Variants in ADAMTS19 observed in about 807,000 individuals in gnomAD.
The protein encoded by ADAMTS19 is ADAM metallopeptidase with thrombospondin type 1 motif 19.
ADAMTS19 carries 93 observed loss-of-function variants against 153.3 expected under a neutral mutation model. The ratio of observed to expected loss-of-function variants is 0.61; its 90% CI spans 0.51 to 0.72. The LOEUF (loss-of-function observed/expected upper bound fraction) is 0.72, where lower values mean the gene tolerates loss of function less well. Among genes scored for constraint, ADAMTS19 ranks in the 30% least tolerant of loss-of-function variants. ADAMTS19 has a pLI of 0.00. For synonymous variants in ADAMTS19, 600 were observed against 556.6 expected, an observed-to-expected ratio of 1.08 and a Z score of -1.10; for missense variants, 1,482 against 1,552.1, an observed-to-expected ratio of 0.95 and a Z score of 0.76.
intron 11 of ADAMTS19, among the ~76,000 whole-genome samples, chr5:129,644,613 T>C (rs1752973003): frequency 2.0e-5 from 3 of 152,176 alleles, no homozygotes; most frequent in Admixed American, 2.0e-4. Context: ...CTTCTCTTTT[T>C]ATAATTTTTA....
intron 6 of ADAMTS19, among the ~76,000 whole-genome samples, chr5:129,547,910 A>G (rs1043852079): frequency 6.6e-6 from 1 of 150,976 alleles, no homozygotes; most frequent in African/African-American, 2.5e-5. Flanking sequence ...ACCTGACAAA[A>G]ACAAGCAATG....
chr5:129,572,776 T>C (rs191882776), intron 7 of ADAMTS19, among the ~76,000 whole-genome samples: 1 of 151,974 alleles, frequency 6.6e-6, no homozygotes, highest in Non-Finnish European at 1.5e-5. Flanking sequence ...GCTGTAAGTT[T>C]ACAGGAATAG....
intron 8 of ADAMTS19, among the ~76,000 whole-genome samples, chr5:129,608,514 T>C (rs1751038458): frequency 6.6e-6 from 1 of 152,114 alleles, no homozygotes; most frequent in South Asian, 2.1e-4. Flanking sequence ...AAGAGTCCTT[T>C]TCAGAAGTGA....
chr5:129,522,316 T>TACAC (rs1186259435), intron 3 of ADAMTS19, among the ~76,000 whole-genome samples: 116 of 91,910 alleles, frequency 1.3e-3, no homozygotes, highest in African/African-American at 3.9e-3. Flanking sequence ...TATATATATA[T>TACAC]ACACACACAC....
At chr5:129,685,903 C>T (rs569165702) in intron 18 of ADAMTS19, among the ~76,000 whole-genome samples, 40 of 152,226 alleles carry the variant, frequency 2.6e-4, no homozygotes, top group Admixed American at 1.6e-3. Context: ...ATATGGACAA[C>T]TCATCACTAG....
At chr5:129,471,500 C>A (rs1182927050) in intron 2 of ADAMTS19, among the ~76,000 whole-genome samples, 2 of 147,316 alleles carry the variant, frequency 1.4e-5, no homozygotes, top group Non-Finnish European at 3.0e-5. Flanking sequence ...GGCAGGCAGG[C>A]AAGACTCTGT....
At chr5:129,717,496 T>C in intron 21 of ADAMTS19, among the ~76,000 whole-genome samples, 1 of 152,200 alleles carries the variant, frequency 6.6e-6, no homozygotes, top group East Asian at 1.9e-4. Flanking sequence ...TTTTCCTATA[T>C]CGTAACTCAA....
intron 14 of ADAMTS19, 81 bp downstream of exon 14, chr5:129,654,514 A>T (rs1163908697): frequency 2.0e-6 from 3 of 1,463,608 alleles, no homozygotes; most frequent in Non-Finnish European, 2.8e-6. Flanking sequence ...AGCATGGTGG[A>T]AAGCTTTGGA....
At position 129,737,405 on chromosome 5, in the gene ADAMTS19, A is replaced by G. The variant is rs957500533; in HGVS notation, c.*187A>G. ...TTACACAAACATTTTGATTTATACT[A>G]TATGGCTTCATAAATAATTTTATAT... On this transcript the variant is annotated 3_prime_UTR_variant, in exon 23 of 23. Transcript: ENST00000274487. The G allele has an allele frequency of 6.2e-5, 26 of 420,212 alleles. No individual in the cohort carries two copies. The East Asian group carries it at 1.1e-3, about 18-fold the overall frequency. The allele number at this position is 420,212 out of a possible 1,614,324, so 26.0% of individuals were successfully genotyped here.
At chr5:129,684,429 C>T (rs748189506) in intron 18 of ADAMTS19, among the ~76,000 whole-genome samples, 156 bp downstream of exon 18, 3 of 152,162 alleles carry the variant, frequency 2.0e-5, no homozygotes, top group East Asian at 3.9e-4. Context: ...AGTGGCTAAA[C>T]ACCTGAAATA....
At chr5:129,613,837 A>C (rs1417824471) in intron 8 of ADAMTS19, among the ~76,000 whole-genome samples, 1 of 152,184 alleles carries the variant, frequency 6.6e-6, no homozygotes, top group Non-Finnish European at 1.5e-5. Flanking sequence ...GACCCAATAA[A>C]AAATGATAAA....
At chr5:129,714,158 G>A (rs1756605225) in intron 21 of ADAMTS19, among the ~76,000 whole-genome samples, 1 of 152,088 alleles carries the variant, frequency 6.6e-6, no homozygotes, top group African/African-American at 2.4e-5. Context: ...GGTGGCTCAC[G>A]CCTGTAATCC....
intron 17 of ADAMTS19, among the ~76,000 whole-genome samples, chr5:129,681,054 T>C (rs30644): frequency 0.15 from 22,396 of 152,172 alleles, 1,814 homozygotes; most frequent in East Asian, 0.3. Context: ...TTATTTGGAG[T>C]ATGATGTGCT....
At chr5:129,540,495 T>C (rs1752618789) in intron 6 of ADAMTS19, among the ~76,000 whole-genome samples, 1 of 152,048 alleles carries the variant, frequency 6.6e-6, no homozygotes, top group South Asian at 2.1e-4. Flanking sequence ...CCTTTGAAAA[T>C]ACTCTTTAAA....
chr5:129,697,792 T>G (rs1755629521), intron 19 of ADAMTS19, among the ~76,000 whole-genome samples: 1 of 152,272 alleles, frequency 6.6e-6, no homozygotes, highest in African/African-American at 2.4e-5. Context: ...AATTCTCTTT[T>G]TCTCTATCCC....
chr5:129,526,342 A>T lies in ADAMTS19; in HGVS notation c.972A>T (p.Ser324=). The T allele has an allele frequency of 6.2e-7, 1 of 1,601,742 alleles. No homozygotes were observed. The highest frequency in any genetic ancestry group is 2.3e-5 in the East Asian group (1 of 43,702). Residue 324 remains serine (S), a synonymous_variant, in exon 4 of 23, where the codon TCA becomes TCT. Coordinates refer to ENST00000274487, the MANE Select transcript of ADAMTS19 (RefSeq NM_133638.6). ...IAESGRGKRY[S]YKLPQEYNIE... ...AAAGTGGAAGAGGGAAACGATATTC[A>T]TACAAATTACCTCAAGAATACAACA...
At chr5:129,699,839 G>C (rs1755746669) in intron 19 of ADAMTS19, among the ~76,000 whole-genome samples, 1 of 152,066 alleles carries the variant, frequency 6.6e-6, no homozygotes, top group Non-Finnish European at 1.5e-5. Context: ...ATATGAATAA[G>C]TATGAATCAT....
chr5:129,669,029 A>G (rs577281236), intron 16 of ADAMTS19, among the ~76,000 whole-genome samples: 1 of 152,192 alleles, frequency 6.6e-6, no homozygotes, highest in South Asian at 2.1e-4. Context: ...CGATCCTGGC[A>G]TAAAGACAGA....
intron 2 of ADAMTS19, among the ~76,000 whole-genome samples, chr5:129,486,858 G>T (rs1170796322): frequency 6.6e-5 from 10 of 152,136 alleles, no homozygotes; most frequent in Non-Finnish European, 1.0e-4. Flanking sequence ...CATGTACATA[G>T]AAAATATTAA....
Sources: allele counts gnomAD v4.1 joint callset (sites outside exome capture counted in the v4.1 genomes callset), GRCh38; gene constraint gnomAD v4.1.1; transcripts MANE v1.5; gene names NCBI Gene and HGNC (gene_info 2026-07-23, HGNC 2026-07-21).